Variants in APP observed in about 807,000 individuals in gnomAD.
APP encodes amyloid-beta precursor protein.
APP carries 31 observed loss-of-function variants against 101.4 expected under a neutral mutation model. The observed-to-expected ratio is 0.31, with a 90% CI of 0.23 to 0.41. The LOEUF (loss-of-function observed/expected upper bound fraction) is 0.41, where lower values mean the gene tolerates loss of function less well. Ranked by LOEUF, APP falls within the 10% of genes least tolerant of loss-of-function variation. The pLI, the probability that APP is intolerant of heterozygous loss-of-function variation, is 1.00. For synonymous variants in APP, 366 were observed against 364.4 expected (o/e 1.00, Z -0.05); for missense variants, 839 against 1,003.7 (o/e 0.84, Z 2.22).
chr21:26,000,696 C>T (rs1362767998), intron 6 of APP, among the ~76,000 whole-genome samples: 1 of 152,042 alleles, frequency 6.6e-6, no homozygotes, highest in Admixed American at 6.6e-5. Context: ...GCTGTCTGTC[C>T]ATTGACTTTA....
chr21:26,120,657 C>G (rs2062544792), intron 1 of APP, among the ~76,000 whole-genome samples: 2 of 152,028 alleles, frequency 1.3e-5, no homozygotes. Context: ...AGCTTCTTTT[C>G]TCCTACATTT....
chr21:26,000,144 C>T lies in APP; in HGVS notation c.904G>A (p.Ala302Thr). The stretch of plus-strand genomic sequence containing the variant: ...TCAAAGTACCAGCGGGAGATCATTG[C>T]TCGGCACGGCCCCGTCTCGGCTTGT... Reference protein sequence around the residue: ...SEQAETGPCRAMISRWYFDVT... With the variant: ...SEQAETGPCRTMISRWYFDVT... The change falls in exon 7 of 18, where the codon GCA becomes ACA. Residue 302 changes from alanine (A) to threonine (T), a missense_variant. Coordinates refer to ENST00000346798, the MANE Select transcript of APP (RefSeq NM_000484.4). 1 of 1,614,216 alleles carries T rather than the reference C, an allele frequency of 6.2e-7. No homozygotes were observed. Among genetic ancestry groups the T allele is most frequent in the South Asian group, 1.1e-5 (1 of 91,088 alleles).
chr21:25,996,772 G>A (rs147490386), intron 8 of APP, among the ~76,000 whole-genome samples: 1,551 of 152,270 alleles, frequency 0.01, 20 homozygotes, highest in Non-Finnish European at 0.015. Flanking sequence ...CCCACTTACC[G>A]AACTGGATAA....
At chr21:26,079,692 A>C (rs1470328537) in intron 3 of APP, among the ~76,000 whole-genome samples, 1 of 152,216 alleles carries the variant, frequency 6.6e-6, no homozygotes, top group Non-Finnish European at 1.5e-5. Flanking sequence ...TATACAACAT[A>C]GGTGCAAAAA....
intron 8 of APP, among the ~76,000 whole-genome samples, chr21:25,992,769 A>G (rs2042918277): frequency 6.6e-6 from 1 of 152,228 alleles, no homozygotes; most frequent in African/African-American, 2.4e-5. Flanking sequence ...TCACCATCAC[A>G]TCTTTTAATG....
chr21:26,017,425 A>ATT (rs1294121931), intron 6 of APP, among the ~76,000 whole-genome samples: 2 of 150,782 alleles, frequency 1.3e-5, no homozygotes, highest in East Asian at 1.9e-4. Flanking sequence ...AAAAAAAAAA[A>ATT]AAATTTAAAT....
intron 13 of APP, among the ~76,000 whole-genome samples, chr21:25,945,058 G>A (rs1220387005): frequency 2.6e-5 from 4 of 152,176 alleles, no homozygotes; most frequent in African/African-American, 9.7e-5. Flanking sequence ...CCATCCATTT[G>A]GTTGAGGTGC....
At chr21:26,160,251 C>T (rs55962830) in intron 1 of APP, among the ~76,000 whole-genome samples, 1 of 152,134 alleles carries the variant, frequency 6.6e-6, no homozygotes, top group South Asian at 2.1e-4. Context: ...AAAAGTGAAA[C>T]CCTCCACAAT....
At chr21:25,958,814 C>T (rs2041448355) in intron 11 of APP, among the ~76,000 whole-genome samples, 1 of 152,108 alleles carries the variant, frequency 6.6e-6, no homozygotes, top group African/African-American at 2.4e-5. Flanking sequence ...AATAAGAGTT[C>T]AATGTGTATT....
chr21:25,929,993 A>G (rs1381340033), intron 13 of APP, among the ~76,000 whole-genome samples: 3 of 152,172 alleles, frequency 2.0e-5, no homozygotes, highest in Non-Finnish European at 4.4e-5. Flanking sequence ...ACTAGTCCAC[A>G]TGATGCTTTC....
At chr21:25,945,951 G>A (rs2040800342) in intron 13 of APP, 1 of 454,980 alleles carries the variant, frequency 2.2e-6, no homozygotes. Context: ...CAAAATGCTG[G>A]AATTACAGGC....
chr21:26,158,048 T>C (rs536234812), intron 1 of APP: 2 of 152,408 alleles, frequency 1.3e-5, no homozygotes, highest in East Asian at 1.9e-4. Flanking sequence ...CTGCCACTGC[T>C]GTCCACACAG....
At chr21:25,892,046 TAAAAA>T (rs10547971) in intron 16 of APP, among the ~76,000 whole-genome samples, 178 bp from the exon 17 acceptor site, 20 of 138,848 alleles carry the variant, frequency 1.4e-4, no homozygotes, top group Middle Eastern at 3.6e-3. Context: ...ATGCTTACTT[TAAAAA>T]AAAAAAAAAA....
rs117312885 is a variant in APP at position 25,969,660 on chromosome 21, C to T, written c.1458+5410G>A. ...TTCAAGACTAGCCTGGGTAACACAGCGAGACCCTGTCTTTACAAAAATTTT... is the reference window on the plus strand; with the variant it reads ...TTCAAGACTAGCCTGGGTAACACAGTGAGACCCTGTCTTTACAAAAATTTT... On this transcript the variant is annotated intron_variant, in intron 11 of 17. Coordinates refer to ENST00000346798, the MANE Select transcript of APP (RefSeq NM_000484.4). Among the ~76,000 whole-genome samples, 1,004 of 151,536 alleles carry T rather than the reference C, an allele frequency of 6.6e-3. 5 individuals carry two copies. Among genetic ancestry groups the T allele is most frequent in the Non-Finnish European group, 0.012 (799 of 67,910 alleles).
At chr21:26,012,730 T>C (rs907988275) in intron 6 of APP, among the ~76,000 whole-genome samples, 13 of 152,186 alleles carry the variant, frequency 8.5e-5, no homozygotes, top group Non-Finnish European at 1.3e-4. Flanking sequence ...ACCCAGCACT[T>C]TGGGAGGCCA....
Position 25,955,635 on chromosome 21 carries a change from G to T in APP, c.1579C>A (p.Arg527=). ...TTATACCCCACGCTTACCTGGGACC[G>T]GATCTGAGCGGCTTTCTTGGGATCC... ...MVDPKKAAQI[R]SQVMTHLRVI... The change falls in exon 12 of 18, where the codon CGG becomes AGG. Residue 527 remains arginine (R), a synonymous_variant. Coordinates refer to ENST00000346798, the MANE Select transcript of APP (RefSeq NM_000484.4). The T allele has an allele frequency of 6.2e-7, 1 of 1,614,128 alleles. No individual in the cohort carries two copies. Among genetic ancestry groups the T allele is most frequent in the Middle Eastern group, 1.7e-4 (1 of 6,060 alleles).
In APP at chr21:25,889,099, C is replaced by T. The variant is rs1569010084; in HGVS notation, c.2211+2623G>A. Among the ~76,000 whole-genome samples the T allele has an allele frequency of 2.6e-5, 4 of 152,286 alleles. No individual in the cohort carries two copies. The South Asian group carries it at 6.2e-4, about 24-fold the overall frequency. On this transcript the variant is annotated intron_variant, in intron 17 of 17. Coordinates refer to ENST00000346798, the MANE Select transcript of APP (RefSeq NM_000484.4). The stretch of plus-strand genomic sequence containing the variant: ...TGCTCAGCATCACTGGGGTCTGTTA[C>T]GGGCTAAAACGTGTCCCCCTAGAAT...
chr21:26,038,529 C>T (rs182857316), intron 5 of APP, among the ~76,000 whole-genome samples: 2 of 152,118 alleles, frequency 1.3e-5, no homozygotes, highest in African/African-American at 2.4e-5. Flanking sequence ...TTTGGGAGCC[C>T]GAGGCAGGCG....
chr21:26,040,202 G>A (rs1202654502), intron 5 of APP, among the ~76,000 whole-genome samples: 2 of 152,172 alleles, frequency 1.3e-5, no homozygotes, highest in East Asian at 1.9e-4. Flanking sequence ...TACGTTTGCT[G>A]TCATGTCAGT....
Sources: allele counts gnomAD v4.1 joint callset (sites outside exome capture counted in the v4.1 genomes callset), GRCh38; gene constraint gnomAD v4.1.1; transcripts MANE v1.5; gene names NCBI Gene and HGNC (gene_info 2026-07-23, HGNC 2026-07-21).